TANC1: variants seen among roughly 807,000 people sequenced by gnomAD.
TANC1 encodes the protein tetratricopeptide repeat, ankyrin repeat and coiled-coil containing 1.
Under a neutral mutation model 149.7 loss-of-function variants are expected in TANC1, and 77 were observed. That is an observed-to-expected ratio of 0.51 (90% CI 0.43 to 0.62). The LOEUF is 0.62. Ranked by LOEUF, TANC1 falls within the 20% of genes least tolerant of loss-of-function variation. TANC1 has a pLI of 0.00. For synonymous variants in TANC1, 854 were observed against 925.0 expected (o/e 0.92, Z 1.39); for missense variants, 1,985 against 2,321.8 (o/e 0.85, Z 2.98).
At chr2:159,162,318 AG>A (rs2054121856) in intron 7 of TANC1, among the ~76,000 whole-genome samples, 1 of 152,138 alleles carries the variant, frequency 6.6e-6, no homozygotes, top group South Asian at 2.1e-4. Context: ...CGTGGAGTTG[AG>A]GGCCTAGGTG....
At chr2:159,133,665 G>C (rs1438651047) in intron 4 of TANC1, among the ~76,000 whole-genome samples, 1 of 151,994 alleles carries the variant, frequency 6.6e-6, no homozygotes, top group Admixed American at 6.6e-5. Context: ...ATATGTTGTA[G>C]ATAAAGTCTG....
chr2:159,172,304 C>T (rs1372318837), intron 11 of TANC1, 32 bp downstream of exon 11: 2 of 1,599,542 alleles, frequency 1.3e-6, no homozygotes, highest in Non-Finnish European at 1.7e-6. Flanking sequence ...GAGCCTTCCA[C>T]ATAGAGAGAT....
chr2:159,173,258 A>G (rs58933206), intron 11 of TANC1, among the ~76,000 whole-genome samples: 1 of 152,206 alleles, frequency 6.6e-6, no homozygotes, highest in South Asian at 2.1e-4. Context: ...CTTATATCCT[A>G]TAATACACTC....
intron 9 of TANC1, among the ~76,000 whole-genome samples, chr2:159,170,196 C>G (rs1345046343): frequency 6.6e-6 from 1 of 152,124 alleles, no homozygotes; most frequent in Non-Finnish European, 1.5e-5. Context: ...TCCAGATGAA[C>G]CAATGAGACA....
In TANC1 at chr2:159,229,649, G is replaced by A. The variant is rs1402163777; in HGVS notation, c.4223G>A (p.Arg1408Lys). Reference sequence around the variant, plus strand: ...TGTCCCACCAATCAGGAAGTCAAGAGGCTTCTGGCCCGCGTAGAAGAGGAG... The same window carrying A: ...TGTCCCACCAATCAGGAAGTCAAGAAGCTTCTGGCCCGCGTAGAAGAGGAG... Reference protein sequence around the residue: ...KLCPTNQEVKRLLARVEEECK... With the variant: ...KLCPTNQEVKKLLARVEEECK... Residue 1408 changes from arginine (R) to lysine (K), a missense_variant, in exon 27 of 27, where the codon AGG (arginine) becomes AAG (lysine). Around this residue, in one of 3 missense-constraint regions of TANC1, gnomAD observed 920 missense variants for 994.7 expected, o/e 0.92. Coordinates refer to ENST00000263635, the MANE Select transcript of TANC1 (RefSeq NM_033394.3). 3.1e-6 allele frequency: 5 copies of A among 1,613,902 alleles called. No homozygotes were observed. Among genetic ancestry groups the A allele is most frequent in the Non-Finnish European group, 4.2e-6 (5 of 1,180,032 alleles).
At position 159,119,440 on chromosome 2, in the gene TANC1, A is replaced by G. The variant is rs146832256; in HGVS notation, c.260-16754A>G. ...GGAGATCAGTTTCAGTTGGTTTTAAAAAAAATCAAGAAGCAGCCACTCTGT... is the reference window on the plus strand; with the variant it reads ...GGAGATCAGTTTCAGTTGGTTTTAAGAAAAATCAAGAAGCAGCCACTCTGT... On this transcript the variant is annotated intron_variant, in intron 4 of 26. Transcript: ENST00000263635. 2.6e-3 allele frequency among the ~76,000 whole-genome samples: 400 copies of G among 152,356 alleles called. 2 individuals are homozygous for G. The highest frequency in any genetic ancestry group is 9.4e-3 in the African/African-American group (392 of 41,584).
At chr2:159,199,168 A>G (rs2058071485) in intron 19 of TANC1, 115 bp downstream of exon 19, 1 of 718,224 alleles carries the variant, frequency 1.4e-6, no homozygotes, top group South Asian at 2.0e-5. Flanking sequence ...CTATTTTATC[A>G]CAAGCATTTG....
rs564671429 is a variant in TANC1 at position 158,999,629 on chromosome 2, T to C, written c.-125-1451T>C. On this transcript the variant is annotated intron_variant, in intron 1 of 26. Transcript: ENST00000263635. ...AAGTAGTGGTTTTGTTTCTGGTTTTTTTCTTTCATCAAAGGGATATTTGTT... is the reference window on the plus strand; with the variant it reads ...AAGTAGTGGTTTTGTTTCTGGTTTTCTTCTTTCATCAAAGGGATATTTGTT... Among the ~76,000 whole-genome samples, 29 of 152,332 alleles carry C rather than the reference T, an allele frequency of 1.9e-4. 1 individual carries two copies. Among genetic ancestry groups the C allele is most frequent in the African/African-American group, 6.7e-4 (28 of 41,580 alleles).
intron 7 of TANC1, among the ~76,000 whole-genome samples, chr2:159,154,508 A>G (rs1261190542): frequency 1.3e-5 from 2 of 152,306 alleles, no homozygotes; most frequent in Admixed American, 6.5e-5. Context: ...ACAAGAATTT[A>G]CTGGGCCCCT....
At chr2:159,028,880 A>G (rs1049045643) in intron 2 of TANC1, among the ~76,000 whole-genome samples, 1 of 152,206 alleles carries the variant, frequency 6.6e-6, no homozygotes. Flanking sequence ...GATCCTCTCA[A>G]GCAGCTGAGA....
rs1425202243 is a variant in TANC1 at position 158,996,587 on chromosome 2, AT to A, written c.-125-4489del. Among the ~76,000 whole-genome samples the A allele has an allele frequency of 1.2e-4, 19 of 152,352 alleles. 1 individual carries two copies. The highest frequency in any genetic ancestry group is 1.0e-3 in the South Asian group (5 of 4,830). ...TTTTCAACTATTTACTTATTACTGA[AT>A]TTTAAATAACACTGCAGTGAACATT... On this transcript the variant is annotated intron_variant, in intron 1 of 26. Transcript: ENST00000263635.
intron 2 of TANC1, among the ~76,000 whole-genome samples, chr2:159,039,938 A>G (rs1341154178): frequency 6.6e-6 from 1 of 152,082 alleles, no homozygotes; most frequent in East Asian, 1.9e-4. Context: ...TCTGTCTAAT[A>G]TTGACAGTGG....
intron 4 of TANC1, among the ~76,000 whole-genome samples, chr2:159,119,045 T>C (rs2048582186): frequency 6.6e-6 from 1 of 152,200 alleles, no homozygotes; most frequent in African/African-American, 2.4e-5. Flanking sequence ...TTGTTCAAAA[T>C]TGTTCAATAG....
chr2:159,170,504 T>C lies in TANC1; in HGVS notation c.1070-20T>C, dbSNP rs746320303. The C allele has an allele frequency of 1.9e-6, 3 of 1,560,648 alleles. No individual in the cohort carries two copies. In the South Asian group the frequency reaches 3.6e-5, roughly 19 times the overall value. On this transcript the variant is annotated intron_variant, in intron 9 of 26. Coordinates refer to ENST00000263635, the MANE Select transcript of TANC1 (RefSeq NM_033394.3). ...TAAAATTATGACATTTTTCTAAAAT[T>C]TTTTTTTCTTCTTTTGAAGCACGAT...
intron 19 of TANC1, among the ~76,000 whole-genome samples, chr2:159,209,591 G>C (rs1003533141): frequency 2.6e-5 from 4 of 152,208 alleles, no homozygotes; most frequent in Non-Finnish European, 5.9e-5. Flanking sequence ...TGGCAGCAAA[G>C]CGAGCCTGAC....
chr2:159,179,117 G>C lies in TANC1; in HGVS notation c.2464G>C (p.Val822Leu). Reference protein sequence around the residue: ...FCHPSFREWLVWRADGENTAF... With the variant: ...FCHPSFREWLLWRADGENTAF... ...CCACCCGTCCTTCAGGGAGTGGCTT[G>C]TATGGAGAGCAGACGGGGAAAACAC... The change falls in exon 14 of 27, where the codon GTA becomes CTA. Residue 822 changes from valine (V) to leucine (L), a missense_variant. Val to Leu is a conservative substitution (Grantham distance 32). This residue lies in a region of TANC1 where 508 missense variants were observed against 714.2 expected (regional missense o/e 0.71). Coordinates refer to ENST00000263635, the MANE Select transcript of TANC1 (RefSeq NM_033394.3). 6.2e-7 allele frequency: 1 copy of C among 1,612,884 alleles called. No homozygotes were observed. Among genetic ancestry groups the C allele is most frequent in the Non-Finnish European group, 8.5e-7 (1 of 1,179,840 alleles).
intron 16 of TANC1, among the ~76,000 whole-genome samples, chr2:159,188,628 G>A (rs2057201919): frequency 6.6e-6 from 1 of 152,262 alleles, no homozygotes; most frequent in African/African-American, 2.4e-5. Context: ...CCTTGGCCGG[G>A]AGATCCAGTC....
chr2:159,180,620 AG>A (rs1158756373), intron 14 of TANC1, among the ~76,000 whole-genome samples: 2 of 152,232 alleles, frequency 1.3e-5, no homozygotes, highest in Non-Finnish European at 2.9e-5. Flanking sequence ...AGAGGTACCA[AG>A]GGTGCAGAAT....
At chr2:158,983,468 C>CAAAA (rs35472970) in intron 1 of TANC1, among the ~76,000 whole-genome samples, 2 of 88,826 alleles carry the variant, frequency 2.3e-5, no homozygotes, top group African/African-American at 9.2e-5. Flanking sequence ...CTCCGTCTCC[C>CAAAA]AAAAAAAAAA....
Sources: allele counts gnomAD v4.1 joint callset (sites outside exome capture counted in the v4.1 genomes callset), GRCh38; gene constraint gnomAD v4.1.1; regional missense constraint gnomAD v4.1.1; transcripts MANE v1.5; gene names NCBI Gene and HGNC (gene_info 2026-07-23, HGNC 2026-07-21).